MAP7D3: variants seen among roughly 807,000 people sequenced by gnomAD.
MAP7D3 encodes MAP7 domain-containing protein 3.
Under a neutral mutation model 62.2 loss-of-function variants are expected in MAP7D3, and 45 were observed. The observed-to-expected ratio is 0.72, with a 90% CI of 0.57 to 0.93. The LOEUF (loss-of-function observed/expected upper bound fraction) is 0.93, where lower values mean the gene tolerates loss of function less well. Ranked by LOEUF, MAP7D3 falls within the 40% of genes least tolerant of loss-of-function variation. The probability of loss-of-function intolerance (pLI) is 0.00; values close to 1 mark genes in which losing one functional copy is unlikely to be tolerated. For missense variants in MAP7D3, 711 were observed against 683.1 expected (o/e 1.04, Z -0.45); for synonymous variants, 288 against 248.8 (o/e 1.16, Z -1.48).
intron 6 of MAP7D3, among the ~76,000 whole-genome samples, chrX:136,239,178 T>G (rs138314315): frequency 8.1e-4 from 91 of 111,898 alleles, no homozygotes; most frequent in African/African-American, 2.8e-3. Flanking sequence ...CCTAATCCAT[T>G]TCAATTATCA....
chrX:136,237,002 T>G (rs982352378), intron 6 of MAP7D3, among the ~76,000 whole-genome samples: 1 of 112,213 alleles, frequency 8.9e-6, no homozygotes, highest in Non-Finnish European at 1.9e-5. Context: ...GTTAAATAGT[T>G]ATAACTAGTA....
chrX:136,229,897 C>A (rs1490415931), intron 10 of MAP7D3, among the ~76,000 whole-genome samples: 1 of 102,122 alleles, frequency 9.8e-6, no homozygotes, highest in Non-Finnish European at 2.0e-5. Context: ...TACTCTTATC[C>A]TCAACCCCCT....
At position 136,222,503 on chromosome X, in the gene MAP7D3, A is replaced by T. The variant is rs1336424798; in HGVS notation, c.2194-17T>A. On this transcript the variant is annotated splice_polypyrimidine_tract_variant and intron_variant, in intron 14 of 18. Transcript: ENST00000316077. ...TTCTGTGACCTACGATTAAAAAAGG[A>T]AATCTTGATTATGCCTAATATTCAA... 8.8e-7 allele frequency: 1 copy of T among 1,133,427 alleles called. No individual in the cohort carries two copies. 93.4% of individuals were successfully genotyped at this position (1,133,427 alleles called of 1,213,427 possible).
chrX:136,248,672 T>G (rs1251626570), intron 1 of MAP7D3, among the ~76,000 whole-genome samples: 2 of 112,486 alleles, frequency 1.8e-5, no homozygotes, highest in African/African-American at 6.4e-5. Flanking sequence ...TTTATAGAAC[T>G]TTTCTAAAAA....
At position 136,248,592 on chromosome X, in the gene MAP7D3, T is replaced by C. The variant is rs1387644269; in HGVS notation, c.71-2251A>G. Among the ~76,000 whole-genome samples, 3 of 112,526 alleles carry C rather than the reference T, an allele frequency of 2.7e-5. No individual in the cohort carries two copies. In the East Asian group the frequency reaches 8.3e-4, roughly 31 times the overall value. ...ATCCAAAATTAAAGTAAAAGTTATATTTTGCCCAGAGATTAAATAAGAAAA... is the reference window on the plus strand; with the variant it reads ...ATCCAAAATTAAAGTAAAAGTTATACTTTGCCCAGAGATTAAATAAGAAAA... On this transcript the variant is annotated intron_variant, in intron 1 of 18. Coordinates refer to ENST00000316077, the MANE Select transcript of MAP7D3 (RefSeq NM_024597.4).
chrX:136,234,124 TACTA>T (rs1228713390), intron 7 of MAP7D3, among the ~76,000 whole-genome samples: 5 of 105,395 alleles, frequency 4.7e-5, no homozygotes, highest in Non-Finnish European at 9.7e-5. Flanking sequence ...ATCATATAAA[TACTA>T]ACAGAGAAAA....
chrX:136,229,188 T>A (rs939667907), intron 10 of MAP7D3, among the ~76,000 whole-genome samples: 1 of 111,840 alleles, frequency 8.9e-6, no homozygotes. Flanking sequence ...TACTATATGA[T>A]TACTATTTAG....
chrX:136,254,924 C>CAAACA (rs1556645832), upstream of MAP7D3, among the ~76,000 whole-genome samples: 1 of 108,668 alleles, frequency 9.2e-6, no homozygotes, highest in Non-Finnish European at 1.9e-5. Context: ...AACAAACAAA[C>CAAACA]AAAAAAAACG....
downstream of MAP7D3, chrX:136,213,317 T>A (rs1378826738): frequency 9.0e-6 from 1 of 111,182 alleles, no homozygotes; most frequent in African/African-American, 3.3e-5. Flanking sequence ...CTTAACAATT[T>A]GTCAGCAGAG....
In MAP7D3 at chrX:136,217,864, G is replaced by A. The variant is rs2074078120; in HGVS notation, c.*662C>T. The A allele has an allele frequency of 1.8e-5, 2 of 110,396 alleles. No homozygotes were observed. Among genetic ancestry groups the A allele is most frequent in the Admixed American group, 1.9e-4 (2 of 10,366 alleles). The allele number at this position is 110,396 out of a possible 1,213,427, so 9.1% of individuals were successfully genotyped here. A position where few individuals can be genotyped will look rare whatever the true frequency, so the allele number is the denominator to read the frequency against. On this transcript the variant is annotated 3_prime_UTR_variant, in exon 19 of 19. Coordinates refer to ENST00000316077, the MANE Select transcript of MAP7D3 (RefSeq NM_024597.4). Reference sequence around the variant, plus strand: ...AGGCCAGGATTTCGAGACTAGCCTGGTGAACATGGTAAAACCCTATCTCTA... The same window carrying A: ...AGGCCAGGATTTCGAGACTAGCCTGATGAACATGGTAAAACCCTATCTCTA...
chrX:136,241,264 G>C lies in MAP7D3; in HGVS notation c.431C>G (p.Ala144Gly). The change falls in exon 5 of 19, where the codon GCC becomes GGC. Residue 144 changes from alanine to glycine, a missense_variant. Ala to Gly is a moderately conservative substitution (Grantham distance 60). Coordinates refer to ENST00000316077, the MANE Select transcript of MAP7D3 (RefSeq NM_024597.4). ...CCGTTCCAAAGTACGATAAAGAATG[G>C]CTGTAAATTTTTCCTATTTAAAATA... is the stretch of plus-strand genomic sequence containing the variant. ...KDEAQKEKFT[A>G]ILYRTLERRR... 9.0e-7 allele frequency: 1 copy of C among 1,114,620 alleles called. No homozygotes were observed. The allele number at this position is 1,114,620 out of a possible 1,213,427, so 91.9% of individuals were successfully genotyped here. A position where few individuals can be genotyped will look rare whatever the true frequency, so the allele number is the denominator to read the frequency against.
intron 14 of MAP7D3, among the ~76,000 whole-genome samples, chrX:136,222,857 G>A (rs1415984556): frequency 9.4e-6 from 1 of 106,933 alleles, no homozygotes; most frequent in Admixed American, 9.9e-5. Flanking sequence ...TTTGGGAGAG[G>A]GGAGGACAAA....
Position 136,246,096 on chromosome X carries a change from C to T in MAP7D3, c.222G>A (p.Glu74=). Residue 74 remains glutamate, a synonymous_variant, in exon 3 of 19, where the codon GAG becomes GAA. Transcript: ENST00000316077. ...KNDIKQRLAR[E]RREEKRRQQD... Reference sequence around the variant, plus strand: ...GCTGTCTCCTTTTCTCCTCTCTGCGCTCTCTTGCTAATCTTTGTTTTATGT... The same window carrying T: ...GCTGTCTCCTTTTCTCCTCTCTGCGTTCTCTTGCTAATCTTTGTTTTATGT... 1.7e-6 allele frequency: 2 copies of T among 1,203,613 alleles called. No homozygotes were observed. The highest frequency in any genetic ancestry group is 2.2e-6 in the Non-Finnish European group (2 of 890,826).
intron 10 of MAP7D3, among the ~76,000 whole-genome samples, chrX:136,229,991 A>ATTTT (rs1458959720): frequency 5.9e-5 from 3 of 50,961 alleles, no homozygotes; most frequent in Admixed American, 2.7e-4. Context: ...ATATATATAT[A>ATTTT]TATTTTTTTT....
chrX:136,231,629 T>C lies in MAP7D3; in HGVS notation c.1328A>G (p.Glu443Gly), dbSNP rs186152913. 38 of 1,203,583 alleles carry C rather than the reference T, an allele frequency of 3.2e-5. No individual in the cohort carries two copies. Among genetic ancestry groups the C allele is most frequent in the Non-Finnish European group, 4.0e-5 (36 of 889,948 alleles). Reference protein sequence around the residue: ...SPKESMEASPEAMVKASPKTS... With the variant: ...SPKESMEASPGAMVKASPKTS... ...CTTGGGGGATGCTTTCACCATCGCCTCAGGAGATGCCTCCATGCTCTCCTT... is the reference window on the plus strand; with the variant it reads ...CTTGGGGGATGCTTTCACCATCGCCCCAGGAGATGCCTCCATGCTCTCCTT... The change falls in exon 8 of 19, where the codon GAG becomes GGG. Residue 443 changes from glutamate (E) to glycine (G), a missense_variant. Transcript: ENST00000316077.
At chrX:136,245,165 T>C (rs1433763842) in intron 3 of MAP7D3, among the ~76,000 whole-genome samples, 1 of 112,422 alleles carries the variant, frequency 8.9e-6, no homozygotes, top group Non-Finnish European at 1.9e-5. Context: ...TATTAAAAAC[T>C]GCATGGCCAG....
At chrX:136,224,995 C>A in intron 13 of MAP7D3, 115 bp from the exon 14 acceptor site, 2 of 471,367 alleles carry the variant, frequency 4.2e-6, no homozygotes, top group Non-Finnish European at 3.5e-6. Flanking sequence ...GTGATTGCTC[C>A]AAAACCACAA....
At chrX:136,250,279 A>C (rs1448241556) in intron 1 of MAP7D3, among the ~76,000 whole-genome samples, 2 of 112,055 alleles carry the variant, frequency 1.8e-5, no homozygotes, top group Non-Finnish European at 3.8e-5. Flanking sequence ...ATGCAAAAAA[A>C]CCCCTAAGAA....
intron 13 of MAP7D3, 129 bp downstream of exon 13, chrX:136,225,780 A>C (rs1354852195): frequency 1.3e-5 from 6 of 450,197 alleles, no homozygotes; most frequent in Non-Finnish European, 2.3e-5. Flanking sequence ...GATAAGGAAG[A>C]GAATCGAGTG....
Sources: allele counts gnomAD v4.1 joint callset (sites outside exome capture counted in the v4.1 genomes callset), GRCh38; gene constraint gnomAD v4.1.1; transcripts MANE v1.5; gene names NCBI Gene and HGNC (gene_info 2026-07-23, HGNC 2026-07-21).